CREB5: variants seen among roughly 807,000 people sequenced by gnomAD.
The protein encoded by CREB5 is cyclic AMP-responsive element-binding protein 5.
Under a neutral mutation model 57.1 loss-of-function variants are expected in CREB5, and 19 were observed. The observed-to-expected ratio is 0.33, with a 90% CI of 0.23 to 0.49. The LOEUF (loss-of-function observed/expected upper bound fraction) is 0.49, where lower values mean the gene tolerates loss of function less well. CREB5 is among the 20% of genes least tolerant of loss of function. The probability of loss-of-function intolerance (pLI) is 0.99; values close to 1 mark genes in which losing one functional copy is unlikely to be tolerated. For synonymous variants in CREB5, 238 were observed against 238.3 expected, an observed-to-expected ratio of 1.00 and a Z score of 0.01; for missense variants, 579 against 671.6, an observed-to-expected ratio of 0.86 and a Z score of 1.52.
chr7:28,456,010 A>G (rs990758267), intron 1 of CREB5, among the ~76,000 whole-genome samples: 4 of 152,206 alleles, frequency 2.6e-5, no homozygotes, highest in African/African-American at 9.6e-5. Context: ...AGTCCCCATG[A>G]GGCCAGGCCA....
At chr7:28,712,589 A>G (rs1405868139) in intron 5 of CREB5, among the ~76,000 whole-genome samples, 7 of 139,516 alleles carry the variant, frequency 5.0e-5, no homozygotes, top group Non-Finnish European at 6.3e-5. Context: ...GCTGGAATGC[A>G]GTGGAGTGAT....
intron 1 of CREB5, among the ~76,000 whole-genome samples, chr7:28,445,656 A>G (rs565099129): frequency 1.3e-5 from 2 of 151,690 alleles, no homozygotes; most frequent in South Asian, 2.1e-4. Context: ...GGTTCACGCC[A>G]TTCTCCTGCC....
At chr7:28,441,186 A>G (rs1038753906) in intron 1 of CREB5, among the ~76,000 whole-genome samples, 2 of 152,178 alleles carry the variant, frequency 1.3e-5, no homozygotes, top group African/African-American at 4.8e-5. Context: ...ATAGAAAGCC[A>G]TCTACTCTTG....
intron 1 of CREB5, among the ~76,000 whole-genome samples, chr7:28,327,009 C>T (rs1006692472): frequency 8.6e-5 from 13 of 151,776 alleles, no homozygotes; most frequent in Admixed American, 2.0e-4. Flanking sequence ...ATTAGCCGGG[C>T]GTGGTGGCAG....
At chr7:28,764,346 C>T (rs1332590640) in intron 7 of CREB5, among the ~76,000 whole-genome samples, 1 of 120,804 alleles carries the variant, frequency 8.3e-6, no homozygotes. Context: ...CAGGAAAGGC[C>T]CTAATTCTCC....
At chr7:28,693,177 T>C (rs886245906) in intron 5 of CREB5, among the ~76,000 whole-genome samples, 1 of 152,134 alleles carries the variant, frequency 6.6e-6, no homozygotes, top group Non-Finnish European at 1.5e-5. Context: ...ATAACTAAAA[T>C]AGAACTGGAT....
At chr7:28,599,599 C>T (rs1049081672) in intron 5 of CREB5, among the ~76,000 whole-genome samples, 2 of 152,134 alleles carry the variant, frequency 1.3e-5, no homozygotes, top group Non-Finnish European at 2.9e-5. Flanking sequence ...GGAAACCATG[C>T]GCCCCTATGT....
intron 7 of CREB5, among the ~76,000 whole-genome samples, chr7:28,766,232 T>C (rs1805975634): frequency 1.3e-5 from 2 of 152,038 alleles, no homozygotes; most frequent in African/African-American, 4.8e-5. Context: ...TAAAGATAAA[T>C]GAGAAATAAA....
At chr7:28,503,924 C>T (rs1792374499) in intron 3 of CREB5, among the ~76,000 whole-genome samples, 1 of 145,946 alleles carries the variant, frequency 6.9e-6, no homozygotes, top group East Asian at 1.9e-4. Context: ...GGTCCCAGGG[C>T]TGTTACCAAA....
Position 28,743,271 on chromosome 7 carries a change from G to A in CREB5, c.702+18939G>A, listed in dbSNP as rs193221601. ...TCTCTATCCGACTGCAGTGGCTCAC[G>A]CCTGTAATCCCTGCACTTTGGGAGG... is the stretch of plus-strand genomic sequence containing the variant. On this transcript the variant is annotated intron_variant, in intron 7 of 10. Coordinates refer to ENST00000357727, the MANE Select transcript of CREB5 (RefSeq NM_182898.4). Among the ~76,000 whole-genome samples, 74 of 152,262 alleles carry A rather than the reference G, an allele frequency of 4.9e-4. 2 individuals are homozygous for A. In the East Asian group the frequency reaches 0.013, roughly 26 times the overall value.
chr7:28,615,525 A>G (rs1797563832), intron 5 of CREB5: 1 of 152,376 alleles, frequency 6.6e-6, no homozygotes, highest in South Asian at 2.1e-4. Context: ...TGCCCATGAC[A>G]GCAGCTACTC....
intron 7 of CREB5, among the ~76,000 whole-genome samples, chr7:28,742,427 A>G (rs1157581585): frequency 1.3e-5 from 2 of 151,598 alleles, no homozygotes; most frequent in Non-Finnish European, 2.9e-5. Context: ...TTAGCCAGGC[A>G]TGGTGGCAGG....
intron 7 of CREB5, among the ~76,000 whole-genome samples, chr7:28,779,795 T>G (rs1046627161): frequency 5.9e-5 from 9 of 152,206 alleles, no homozygotes; most frequent in Non-Finnish European, 1.3e-4. Flanking sequence ...AAATTGGATT[T>G]TATGTGATTG....
At chr7:28,555,565 C>T (rs2128636185) in intron 4 of CREB5, among the ~76,000 whole-genome samples, 1 of 152,242 alleles carries the variant, frequency 6.6e-6, no homozygotes, top group South Asian at 2.1e-4. Flanking sequence ...GAAAAGACAT[C>T]TATCTGAAAA....
intron 1 of CREB5, among the ~76,000 whole-genome samples, chr7:28,364,790 T>C (rs1267737127): frequency 3.3e-5 from 5 of 152,218 alleles, no homozygotes; most frequent in Non-Finnish European, 7.3e-5. Context: ...ATAGCTGTCC[T>C]CCTGGCTACC....
intron 1 of CREB5, among the ~76,000 whole-genome samples, chr7:28,449,102 A>G (rs1016280915): frequency 2.6e-5 from 4 of 152,170 alleles, no homozygotes; most frequent in Admixed American, 2.6e-4. Context: ...TCTTCCATGT[A>G]ATATGTGTGC....
intron 5 of CREB5, among the ~76,000 whole-genome samples, chr7:28,640,724 A>G (rs1798622950): frequency 6.6e-6 from 1 of 151,940 alleles, no homozygotes; most frequent in African/African-American, 2.4e-5. Flanking sequence ...AAAATTACAC[A>G]CCTCCTGCAA....
chr7:28,385,222 G>C (rs1787063205), intron 1 of CREB5, among the ~76,000 whole-genome samples: 1 of 152,140 alleles, frequency 6.6e-6, no homozygotes, highest in African/African-American at 2.4e-5. Flanking sequence ...TCTGAAAACA[G>C]TTCTTACCTG....
At chr7:28,308,920 G>T (rs763039764) in intron 1 of CREB5, among the ~76,000 whole-genome samples, 8 of 152,196 alleles carry the variant, frequency 5.3e-5, no homozygotes, top group South Asian at 2.1e-4. Context: ...TTTTGGATGA[G>T]ATTAACATTT....
Sources: gnomAD v4.1 joint callset for allele counts (sites outside exome capture counted in the v4.1 genomes callset) on GRCh38, gnomAD v4.1.1 for gene constraint, MANE v1.5 for transcripts, NCBI Gene and HGNC (gene_info 2026-07-23, HGNC 2026-07-21) for gene names.